The following ATP2B2 variants were observed in gnomAD, a reference collection of about 807,000 sequenced individuals.
ATP2B2 encodes the protein ATPase plasma membrane Ca2+ transporting 2.
In ATP2B2, 15 loss-of-function variants were observed where a neutral mutation model predicts 120.0. The observed-to-expected ratio is 0.12, with a 90% CI of 0.08 to 0.19. The LOEUF (loss-of-function observed/expected upper bound fraction) is 0.19. ATP2B2 is among the 10% of genes least tolerant of loss of function. ATP2B2 has a pLI of 1.00. For missense variants in ATP2B2, 1,045 were observed against 1,719.8 expected, an observed-to-expected ratio of 0.61 and a Z score of 6.94; for synonymous variants, 694 against 700.3, an observed-to-expected ratio of 0.99 and a Z score of 0.14.
rs980607254 is a variant in ATP2B2, at chr3:10,325,619, G to A, written c.*3195C>T. The A allele has an allele frequency of 6.6e-6, 1 of 152,200 alleles. No homozygotes were observed. The highest frequency in any genetic ancestry group is 2.4e-5 in the African/African-American group (1 of 41,438). The allele number at this position is 152,200 out of a possible 1,614,324, so 9.4% of individuals were successfully genotyped here. A position where few individuals can be genotyped will look rare whatever the true frequency, so the allele number is the denominator to read the frequency against. On this transcript the variant is annotated 3_prime_UTR_variant, in exon 23 of 23. Coordinates refer to ENST00000360273, the MANE Select transcript of ATP2B2 (RefSeq NM_001001331.4). ...CTCTTGTCATCTCTATGCTATGGTT[G>A]GGACAAGGGGACAAGGGGCCATGGT...
intron 2 of ATP2B2, among the ~76,000 whole-genome samples, chr3:10,602,567 T>C (rs747764275): frequency 1.3e-5 from 2 of 152,208 alleles, no homozygotes; most frequent in Non-Finnish European, 2.9e-5. Flanking sequence ...AATTTAATCA[T>C]AGGATGATTT....
intron 1 of ATP2B2, among the ~76,000 whole-genome samples, chr3:10,504,065 TG>T (rs1350193923): frequency 5.9e-5 from 9 of 152,208 alleles, no homozygotes; most frequent in Non-Finnish European, 1.0e-4. Flanking sequence ...TTTGTATCTG[TG>T]CATATGTGTG....
chr3:10,394,619 A>G (rs73016624), intron 5 of ATP2B2: 28,104 of 441,466 alleles, frequency 0.064, 1,387 homozygotes, highest in African/African-American at 0.17. Flanking sequence ...CTCCCTGGAG[A>G]CGGTGGCAGT....
At chr3:10,688,819 T>C (rs2071588177) in intron 1 of ATP2B2, among the ~76,000 whole-genome samples, 1 of 152,134 alleles carries the variant, frequency 6.6e-6, no homozygotes, top group South Asian at 2.1e-4. Context: ...TGACTGAGGA[T>C]GGAAATGCAG....
intron 2 of ATP2B2, among the ~76,000 whole-genome samples, chr3:10,535,888 G>T (rs1209919869): frequency 6.6e-6 from 1 of 151,754 alleles, no homozygotes; most frequent in Non-Finnish European, 1.5e-5. Flanking sequence ...TGCAATTGTT[G>T]GGTTGTATGG....
intron 1 of ATP2B2, among the ~76,000 whole-genome samples, chr3:10,485,944 C>T (rs2065632508): frequency 6.6e-6 from 1 of 152,160 alleles, no homozygotes. Flanking sequence ...GATGTGGGGG[C>T]CAGGGCATCA....
At chr3:10,624,715 CGAATGCATGAAT>C (rs1004709868) in intron 1 of ATP2B2, among the ~76,000 whole-genome samples, 51 of 152,240 alleles carry the variant, frequency 3.3e-4, no homozygotes, top group Non-Finnish European at 3.1e-4. Flanking sequence ...TGAATGAGTA[CGAATGCATGAAT>C]GAATGCATGA....
intron 18 of ATP2B2, among the ~76,000 whole-genome samples, chr3:10,344,602 G>C (rs957762701): frequency 6.6e-6 from 1 of 152,230 alleles, no homozygotes; most frequent in Non-Finnish European, 1.5e-5. Flanking sequence ...ATCCCCTGGG[G>C]CTAAGGGAGA....
intron 22 of ATP2B2, chr3:10,331,986 T>C (rs1351996736): frequency 1.3e-6 from 2 of 1,550,384 alleles, no homozygotes; most frequent in Middle Eastern, 1.7e-4. Context: ...TCACAACCTC[T>C]TTTAATTTCA....
Position 10,402,193 on chromosome 3 carries a change from G to A in ATP2B2, c.553C>T (p.Arg185Cys). 1.2e-6 allele frequency: 2 copies of A among 1,614,174 alleles called. No homozygotes were observed. The highest frequency in any genetic ancestry group is 1.7e-6 in the Non-Finnish European group (2 of 1,180,048). ...GTAAATTTCTGTTCCTGCTCGATGCGGCTCTGCAGGCCCCGGAACTGTTTC... is the reference window on the plus strand; with the variant it reads ...GTAAATTTCTGTTCCTGCTCGATGCAGCTCTGCAGGCCCCGGAACTGTTTC... The part of the protein sequence containing the change: ...KEKQFRGLQS[R>C]IEQEQKFTVV... Residue 185 changes from arginine to cysteine, a missense_variant, in exon 4 of 23, where the codon CGC (arginine) becomes TGC (cysteine). Arg to Cys is a radical substitution (Grantham distance 180). This residue lies in a region of ATP2B2 where 30 missense variants were observed against 66.7 expected (regional missense o/e 0.45). Coordinates refer to ENST00000360273, the MANE Select transcript of ATP2B2 (RefSeq NM_001001331.4). The surrounding 1 kb of genome is among the most constrained non-coding windows in gnomAD (Gnocchi z 4.9).
chr3:10,410,607 G>C lies in ATP2B2; in HGVS notation c.397+11C>G, dbSNP rs570628397. 3 of 1,598,426 alleles carry C rather than the reference G, an allele frequency of 1.9e-6. No homozygotes were observed. Among genetic ancestry groups the C allele is most frequent in the African/African-American group, 1.3e-5 (1 of 74,684 alleles). On this transcript the variant is annotated intron_variant, in intron 3 of 22. Transcript: ENST00000360273. ...GTGCGGGGCGGTTCGTGGGTCTGAG[G>C]CCCATCTTACCTTCGTTGCCCTCGC...
chr3:10,514,456 G>A (rs2066836796), intron 3 of ATP2B2, among the ~76,000 whole-genome samples: 2 of 152,208 alleles, frequency 1.3e-5, no homozygotes, highest in Admixed American at 1.3e-4. Context: ...GAAAACTTCT[G>A]GGAATTCCCT....
chr3:10,683,760 G>GTATATATATA (rs71055831), intron 1 of ATP2B2, among the ~76,000 whole-genome samples: 39 of 53,868 alleles, frequency 7.2e-4, no homozygotes, highest in Non-Finnish European at 1.0e-3. Flanking sequence ...GTGTGTGTGT[G>GTATATATATA]TATATATATA....
chr3:10,331,833 C>G, intron 22 of ATP2B2: 1 of 673,176 alleles, frequency 1.5e-6, no homozygotes, highest in Non-Finnish European at 2.5e-6. Context: ...ACAGGGAGAC[C>G]CATGCCCGTT....
chr3:10,378,162 G>C, intron 10 of ATP2B2, 90 bp downstream of exon 10: 1 of 1,518,258 alleles, frequency 6.6e-7, no homozygotes, highest in Non-Finnish European at 8.8e-7. Flanking sequence ...CCACTTTGCA[G>C]ATGAGGTAAC....
chr3:10,545,044 C>T (rs1011688170), intron 2 of ATP2B2, among the ~76,000 whole-genome samples: 1 of 152,146 alleles, frequency 6.6e-6, no homozygotes, highest in South Asian at 2.1e-4. Flanking sequence ...GAATATTGCA[C>T]AGCTACGAAA....
intron 1 of ATP2B2, among the ~76,000 whole-genome samples, chr3:10,496,103 G>A (rs531852818): frequency 1.1e-4 from 17 of 152,342 alleles, no homozygotes; most frequent in South Asian, 4.1e-4. Flanking sequence ...GGGATGGGGA[G>A]AAGGGCTTCA....
intron 8 of ATP2B2, among the ~76,000 whole-genome samples, chr3:10,379,523 G>A (rs1017914922): frequency 2.6e-5 from 4 of 152,188 alleles, no homozygotes; most frequent in African/African-American, 9.7e-5. Flanking sequence ...GACTCAGGAG[G>A]GAGGTTTCTG....
At chr3:10,663,177 C>T (rs2070834915) in intron 1 of ATP2B2, among the ~76,000 whole-genome samples, 1 of 151,478 alleles carries the variant, frequency 6.6e-6, no homozygotes, top group Admixed American at 6.6e-5. Flanking sequence ...ACCAACATGG[C>T]ACATGTATAA....
Sources: allele counts gnomAD v4.1 joint callset (sites outside exome capture counted in the v4.1 genomes callset), GRCh38; gene constraint gnomAD v4.1.1; regional missense constraint gnomAD v4.1.1; non-coding constraint Gnocchi (gnomAD v3.1); transcripts MANE v1.5; gene names NCBI Gene and HGNC (gene_info 2026-07-23, HGNC 2026-07-21).